CHST11: variants seen among roughly 807,000 people sequenced by gnomAD.
The protein encoded by CHST11 is C4S-1.
In CHST11, 9 loss-of-function variants were observed where a neutral mutation model predicts 30.4. The ratio of observed to expected loss-of-function variants is 0.30; its 90% CI spans 0.18 to 0.52. The LOEUF (loss-of-function observed/expected upper bound fraction) is 0.52. Ranked by LOEUF, CHST11 falls within the 20% of genes least tolerant of loss-of-function variation. The pLI, the probability that CHST11 is intolerant of heterozygous loss-of-function variation, is 0.97. For missense variants in CHST11, 348 were observed against 460.6 expected (o/e 0.76, Z 2.24); for synonymous variants, 152 against 187.8 (o/e 0.81, Z 1.56).
rs550605403 is a variant in CHST11, at chr12:104,524,462, G to A, written c.118+66933G>A. ...CCAGCCAGAAAACAGACATAGACACGTATAGGGAATGAGTTCTTGACAGAG... is the reference window on the plus strand; with the variant it reads ...CCAGCCAGAAAACAGACATAGACACATATAGGGAATGAGTTCTTGACAGAG... On this transcript the variant is annotated intron_variant, in intron 1 of 2. Coordinates refer to ENST00000303694, the MANE Select transcript of CHST11 (RefSeq NM_018413.6). 5.9e-5 allele frequency among the ~76,000 whole-genome samples: 9 copies of A among 152,250 alleles called. No individual in the cohort carries two copies. In the South Asian group the frequency reaches 1.2e-3, roughly 21 times the overall value.
rs1312437065 is a variant in CHST11, at chr12:104,725,488, G to A, written c.205-31461G>A. On this transcript the variant is annotated intron_variant, in intron 2 of 2. Coordinates refer to ENST00000303694, the MANE Select transcript of CHST11 (RefSeq NM_018413.6). ...TCAGGTTCCTTTCAAATTCAAAAGT[G>A]TACATGATACCTCAATAAAGCTGTT... Among the ~76,000 whole-genome samples, 3 of 151,012 alleles carry A rather than the reference G, an allele frequency of 2.0e-5. No homozygotes were observed. In the East Asian group the frequency reaches 5.8e-4, roughly 29 times the overall value.
intron 2 of CHST11, among the ~76,000 whole-genome samples, chr12:104,662,081 A>C (rs570632982): frequency 1.3e-5 from 2 of 152,204 alleles, no homozygotes; most frequent in African/African-American, 2.4e-5. Flanking sequence ...TGATGGCCAC[A>C]AGATTAAAGT....
chr12:104,522,273 A>G (rs1360354665), intron 1 of CHST11, among the ~76,000 whole-genome samples: 1 of 152,218 alleles, frequency 6.6e-6, no homozygotes, highest in Non-Finnish European at 1.5e-5. Flanking sequence ...GAGTATCAGT[A>G]TATCTCACTG....
chr12:104,514,691 A>T (rs2038004677), intron 1 of CHST11, among the ~76,000 whole-genome samples: 1 of 152,116 alleles, frequency 6.6e-6, no homozygotes, highest in Non-Finnish European at 1.5e-5. Flanking sequence ...GGGAGGGAGC[A>T]AGAGAGAGAG....
At chr12:104,518,564 A>C (rs182769062) in intron 1 of CHST11, among the ~76,000 whole-genome samples, 8 of 152,280 alleles carry the variant, frequency 5.3e-5, no homozygotes, top group African/African-American at 1.9e-4. Context: ...GGCATAGTTA[A>C]TACACCCCGG....
intron 1 of CHST11, among the ~76,000 whole-genome samples, chr12:104,578,172 C>A (rs993835435): frequency 6.6e-6 from 1 of 152,126 alleles, no homozygotes; most frequent in Admixed American, 6.5e-5. Flanking sequence ...CAAGACCCAG[C>A]AACAGGGGGT....
At chr12:104,563,144 G>A (rs2136018006) in intron 1 of CHST11, among the ~76,000 whole-genome samples, 1 of 152,268 alleles carries the variant, frequency 6.6e-6, no homozygotes, top group Non-Finnish European at 1.5e-5. Flanking sequence ...GGGTTCAAGT[G>A]ATTCTCGTGT....
At chr12:104,485,580 CTG>C (rs4015334) in intron 1 of CHST11, among the ~76,000 whole-genome samples, 95,973 of 151,844 alleles carry the variant, frequency 0.63, 31,105 homozygotes, top group African/African-American at 0.77. Flanking sequence ...TGTTCAATGT[CTG>C]TGTGCAGTTG....
chr12:104,696,502 A>AAAAAAC (rs1566042400), intron 2 of CHST11, among the ~76,000 whole-genome samples: 18 of 149,974 alleles, frequency 1.2e-4, no homozygotes, highest in Middle Eastern at 3.4e-3. Context: ...AAAAAAAAAA[A>AAAAAAC]AAAAACATAG....
At chr12:104,460,514 A>G (rs2135947521) in intron 1 of CHST11, among the ~76,000 whole-genome samples, 1 of 152,094 alleles carries the variant, frequency 6.6e-6, no homozygotes, top group East Asian at 1.9e-4. Context: ...AAATACAAAA[A>G]TTAGCTGGGT....
At chr12:104,679,726 A>G (rs1463836183) in intron 2 of CHST11, among the ~76,000 whole-genome samples, 1 of 152,084 alleles carries the variant, frequency 6.6e-6, no homozygotes, top group Non-Finnish European at 1.5e-5. Flanking sequence ...CCTTTTGGAA[A>G]CTGCCATGTG....
chr12:104,647,122 G>C (rs1365811340), intron 2 of CHST11, among the ~76,000 whole-genome samples: 1 of 152,190 alleles, frequency 6.6e-6, no homozygotes, highest in Non-Finnish European at 1.5e-5. Flanking sequence ...TAAGATCCTG[G>C]ATAAGAAAGA....
At chr12:104,665,758 G>A (rs889023412) in intron 2 of CHST11, among the ~76,000 whole-genome samples, 1 of 95,524 alleles carries the variant, frequency 1.0e-5, no homozygotes, top group Admixed American at 1.7e-4. Flanking sequence ...TTTGTGGGGT[G>A]GGGGGTGGGG....
At chr12:104,628,650 C>T (rs2039242630) in intron 2 of CHST11, among the ~76,000 whole-genome samples, 1 of 152,174 alleles carries the variant, frequency 6.6e-6, no homozygotes, top group African/African-American at 2.4e-5. Flanking sequence ...TCTTGGGCCC[C>T]TCTATTCCTT....
intron 1 of CHST11, among the ~76,000 whole-genome samples, chr12:104,582,318 C>G (rs550161958): frequency 6.6e-6 from 1 of 152,248 alleles, no homozygotes; most frequent in East Asian, 1.9e-4. Flanking sequence ...TTCTAACACC[C>G]TTAGAGCCTA....
intron 1 of CHST11, among the ~76,000 whole-genome samples, chr12:104,519,251 C>A (rs554349226): frequency 7.2e-5 from 11 of 152,280 alleles, no homozygotes; most frequent in African/African-American, 2.6e-4. Flanking sequence ...TGATGTTTAA[C>A]CACACTGTCA....
chr12:104,664,605 G>T (rs10778349), intron 2 of CHST11, among the ~76,000 whole-genome samples: 1 of 151,678 alleles, frequency 6.6e-6, no homozygotes, highest in Non-Finnish European at 1.5e-5. Flanking sequence ...TGCCCATGCC[G>T]GCAACAGTCA....
At chr12:104,570,676 A>G (rs1194880840) in intron 1 of CHST11, among the ~76,000 whole-genome samples, 1 of 150,922 alleles carries the variant, frequency 6.6e-6, no homozygotes, top group East Asian at 1.9e-4. Context: ...CAGTTTCAGT[A>G]TATGTAAGCC....
intron 2 of CHST11, among the ~76,000 whole-genome samples, chr12:104,665,760 G>T (rs2039635936): frequency 1.1e-5 from 1 of 93,666 alleles, no homozygotes; most frequent in South Asian, 4.1e-4. Flanking sequence ...TGTGGGGTGG[G>T]GGGTGGGGGT....
Sources: allele counts gnomAD v4.1 joint callset (sites outside exome capture counted in the v4.1 genomes callset), GRCh38; gene constraint gnomAD v4.1.1; transcripts MANE v1.5; gene names NCBI Gene and HGNC (gene_info 2026-07-23, HGNC 2026-07-21).